CNTN6: variants seen among roughly 807,000 people sequenced by gnomAD.
CNTN6 encodes the protein contactin-6.
CNTN6 carries 137 observed loss-of-function variants against 122.8 expected under a neutral mutation model. The observed-to-expected ratio is 1.12, with a 90% CI of 0.97 to 1.29. The LOEUF (loss-of-function observed/expected upper bound fraction) is 1.29, where lower values mean the gene tolerates loss of function less well. Among genes scored for constraint, CNTN6 ranks in the 50% most tolerant of loss-of-function variants. CNTN6 has a pLI of 0.00. For synonymous variants in CNTN6, 570 were observed against 426.0 expected (o/e 1.34, Z -4.16); for missense variants, 1,634 against 1,223.4 (o/e 1.34, Z -5.01).
intron 11 of CNTN6, among the ~76,000 whole-genome samples, chr3:1,333,250 T>C (rs1465037320): frequency 1.3e-5 from 2 of 152,042 alleles, no homozygotes; most frequent in South Asian, 4.1e-4. Flanking sequence ...ATTGCATGTG[T>C]ACATACACTG....
At chr3:1,314,712 A>G (rs1262639017) in intron 7 of CNTN6, among the ~76,000 whole-genome samples, 1 of 152,072 alleles carries the variant, frequency 6.6e-6, no homozygotes, top group Non-Finnish European at 1.5e-5. Context: ...AGGATGAAGT[A>G]AAAGTCCATA....
At chr3:1,245,070 G>A (rs1167931105) in intron 4 of CNTN6, among the ~76,000 whole-genome samples, 1 of 147,824 alleles carries the variant, frequency 6.8e-6, no homozygotes, top group African/African-American at 2.5e-5. Context: ...GCGATGGCCT[G>A]GTCTGGGCTC....
intron 16 of CNTN6, among the ~76,000 whole-genome samples, 193 bp downstream of exon 16, chr3:1,374,266 A>C (rs1709548421): frequency 6.6e-6 from 1 of 152,128 alleles, no homozygotes; most frequent in Non-Finnish European, 1.5e-5. Flanking sequence ...AGGTTCAATA[A>C]GAAATGATTA....
At chr3:1,241,961 G>A (rs2094491417) in intron 4 of CNTN6, among the ~76,000 whole-genome samples, 1 of 152,216 alleles carries the variant, frequency 6.6e-6, no homozygotes, top group African/African-American at 2.4e-5. Context: ...ACAGGGTGTG[G>A]TCCTGGCTCT....
At chr3:1,253,853 G>T (rs991207658) in intron 4 of CNTN6, among the ~76,000 whole-genome samples, 1 of 152,112 alleles carries the variant, frequency 6.6e-6, no homozygotes, top group Non-Finnish European at 1.5e-5. Flanking sequence ...AGTGGTTGGG[G>T]ACTGCTGATC....
At chr3:1,244,779 A>T (rs2094537361) in intron 4 of CNTN6, among the ~76,000 whole-genome samples, 1 of 151,928 alleles carries the variant, frequency 6.6e-6, no homozygotes, top group South Asian at 2.1e-4. Context: ...GGTGATGGAA[A>T]ATTACAGTCA....
intron 2 of CNTN6, among the ~76,000 whole-genome samples, chr3:1,151,512 T>C (rs1315727576): frequency 6.6e-6 from 1 of 152,210 alleles, no homozygotes; most frequent in Non-Finnish European, 1.5e-5. Flanking sequence ...ATCTGGTTTA[T>C]GCTTTACTGA....
intron 8 of CNTN6, among the ~76,000 whole-genome samples, chr3:1,325,382 C>G (rs911623099): frequency 6.6e-6 from 1 of 151,794 alleles, no homozygotes; most frequent in Non-Finnish European, 1.5e-5. Flanking sequence ...GTAATTGTGT[C>G]TGAAACAGAT....
intron 3 of CNTN6, among the ~76,000 whole-genome samples, chr3:1,223,836 A>C (rs954544086): frequency 6.6e-6 from 1 of 152,212 alleles, no homozygotes; most frequent in Admixed American, 6.5e-5. Flanking sequence ...AGAAAAAACT[A>C]TAATAGTAGT....
chr3:1,186,340 G>A (rs1419916458), intron 2 of CNTN6, among the ~76,000 whole-genome samples: 2 of 151,932 alleles, frequency 1.3e-5, no homozygotes, highest in South Asian at 2.1e-4. Context: ...GCTCAAACCC[G>A]ATTTTCACAG....
intron 12 of CNTN6, among the ~76,000 whole-genome samples, chr3:1,363,681 T>C (rs1707800673): frequency 6.6e-6 from 1 of 151,944 alleles, no homozygotes; most frequent in Non-Finnish European, 1.5e-5. Flanking sequence ...CACTAGGTGA[T>C]CTCCATATCT....
chr3:1,341,691 ATATT>A (rs1703913389), intron 11 of CNTN6, among the ~76,000 whole-genome samples: 1 of 152,186 alleles, frequency 6.6e-6, no homozygotes, highest in Non-Finnish European at 1.5e-5. Flanking sequence ...TTTTTTGTGT[ATATT>A]AAACAAGGTG....
At chr3:1,391,702 C>G (rs1239740022) in intron 20 of CNTN6, among the ~76,000 whole-genome samples, 3 of 150,278 alleles carry the variant, frequency 2.0e-5, no homozygotes, top group Non-Finnish European at 3.0e-5. Flanking sequence ...GCAACTTCAG[C>G]AAAGTCTCAG....
At chr3:1,328,458 T>G (rs1701836863) in intron 10 of CNTN6, among the ~76,000 whole-genome samples, 1 of 151,814 alleles carries the variant, frequency 6.6e-6, no homozygotes. Context: ...ACTCATTCAT[T>G]TGCTCATTCT....
At chr3:1,102,759 G>A (rs942873119) in intron 1 of CNTN6, among the ~76,000 whole-genome samples, 1 of 147,894 alleles carries the variant, frequency 6.8e-6, no homozygotes, top group Non-Finnish European at 1.5e-5. Context: ...ATAAGAAATA[G>A]ACATGCATTA....
At chr3:1,188,313 A>G (rs1360685250) in intron 2 of CNTN6, among the ~76,000 whole-genome samples, 1 of 152,088 alleles carries the variant, frequency 6.6e-6, no homozygotes, top group Non-Finnish European at 1.5e-5. Context: ...ACAAGGCACC[A>G]CCTCTTATAA....
At chr3:1,151,786 A>G (rs2125190195) in intron 2 of CNTN6, among the ~76,000 whole-genome samples, 1 of 152,282 alleles carries the variant, frequency 6.6e-6, no homozygotes, top group East Asian at 1.9e-4. Flanking sequence ...AGCTTTAAAA[A>G]TTTGGTTTTG....
intron 4 of CNTN6, among the ~76,000 whole-genome samples, chr3:1,230,637 T>C (rs1365145838): frequency 6.6e-6 from 1 of 152,200 alleles, no homozygotes; most frequent in Non-Finnish European, 1.5e-5. Context: ...TAGGAGGCAG[T>C]TGCTATCATT....
At position 1,163,496 on chromosome 3, in the gene CNTN6, C is replaced by T. The variant is rs114711123; in HGVS notation, c.55+15433C>T. On this transcript the variant is annotated intron_variant, in intron 2 of 22. Coordinates refer to ENST00000446702, the MANE Select transcript of CNTN6 (RefSeq NM_001289080.2). The stretch of plus-strand genomic sequence containing the variant: ...ACGCGATCATAGCTCACTACAGCCT[C>T]GAACCCCTGGGCTCAAGAGATCCTC... Among the ~76,000 whole-genome samples, 641 of 152,304 alleles carry T rather than the reference C, an allele frequency of 4.2e-3. 8 individuals carry two copies. The highest frequency in any genetic ancestry group is 0.014 in the African/African-American group (593 of 41,566).
Sources: gnomAD v4.1 joint callset for allele counts (sites outside exome capture counted in the v4.1 genomes callset) on GRCh38, gnomAD v4.1.1 for gene constraint, MANE v1.5 for transcripts, NCBI Gene and HGNC (gene_info 2026-07-23, HGNC 2026-07-21) for gene names.